The following GRM8 variants were observed in gnomAD, a reference collection of about 807,000 sequenced individuals.
The protein encoded by GRM8 is metabotropic glutamate receptor 8.
In GRM8, 47 loss-of-function variants were observed where a neutral mutation model predicts 87.2. The observed-to-expected ratio is 0.54, with a 90% CI of 0.43 to 0.69. The LOEUF is 0.69. GRM8 is among the 30% of genes least tolerant of loss of function. GRM8 has a pLI of 0.00. For synonymous variants in GRM8, 396 were observed against 404.5 expected, an observed-to-expected ratio of 0.98 and a Z score of 0.25; for missense variants, 1,019 against 1,139.2, an observed-to-expected ratio of 0.89 and a Z score of 1.52.
intron 6 of GRM8, among the ~76,000 whole-genome samples, chr7:126,876,183 G>A (rs1799511750): frequency 6.6e-6 from 1 of 152,102 alleles, no homozygotes; most frequent in East Asian, 1.9e-4. Context: ...GGCATTTACT[G>A]TCTCCTCTCC....
Position 126,532,032 on chromosome 7 carries a change from GT to G in GRM8, c.2430+919del, listed in dbSNP as rs1409404818. On this transcript the variant is annotated intron_variant, in intron 9 of 10. Coordinates refer to ENST00000339582, the MANE Select transcript of GRM8 (RefSeq NM_000845.3). ...TTACAGAAATACAGCATTCTCCTCT[GT>G]TTTTCAAGCTGGTTTATCTCCATCC... Among the ~76,000 whole-genome samples, 3 of 152,210 alleles carry G rather than the reference GT, an allele frequency of 2.0e-5. No individual in the cohort carries two copies. The East Asian group carries it at 5.8e-4, about 29-fold the overall frequency.
chr7:126,674,613 TAATGA>T (rs903565067), intron 7 of GRM8, among the ~76,000 whole-genome samples: 6 of 151,986 alleles, frequency 3.9e-5, no homozygotes, highest in Non-Finnish European at 8.8e-5. Context: ...AACTATAATT[TAATGA>T]AATAAGTATA....
At chr7:127,063,246 C>T (rs1014789292) in intron 3 of GRM8, among the ~76,000 whole-genome samples, 2 of 126,932 alleles carry the variant, frequency 1.6e-5, no homozygotes, top group African/African-American at 6.6e-5. Context: ...GAGTGAGACT[C>T]CATCAAAAAC....
chr7:127,014,939 G>C (rs987188391), intron 3 of GRM8, among the ~76,000 whole-genome samples: 2 of 132,056 alleles, frequency 1.5e-5, no homozygotes, highest in Non-Finnish European at 3.1e-5. Flanking sequence ...GAGAGAGAGA[G>C]AGAGAAAGAG....
At position 127,158,534 on chromosome 7, in the gene GRM8, T is replaced by C. The variant is rs754836624; in HGVS notation, c.511-51822A>G. 4.1e-4 allele frequency among the ~76,000 whole-genome samples: 63 copies of C among 152,196 alleles called. 2 individuals carry two copies. Among genetic ancestry groups the C allele is most frequent in the Non-Finnish European group, 8.8e-5 (6 of 68,036 alleles). ...TCTCACAGTTTCAAAGGCAGGGACG[T>C]CCAAGATCAAGGCACCAGTACATTC... is the stretch of plus-strand genomic sequence containing the variant. On this transcript the variant is annotated intron_variant, in intron 2 of 10. Coordinates refer to ENST00000339582, the MANE Select transcript of GRM8 (RefSeq NM_000845.3).
chr7:126,590,725 A>G (rs1341900379), intron 8 of GRM8, among the ~76,000 whole-genome samples: 1 of 152,118 alleles, frequency 6.6e-6, no homozygotes, highest in African/African-American at 2.4e-5. Flanking sequence ...TCTTCAGCCT[A>G]CTTAAACAAA....
intron 8 of GRM8, among the ~76,000 whole-genome samples, chr7:126,540,234 A>C (rs1400931229): frequency 6.6e-6 from 1 of 152,162 alleles, no homozygotes; most frequent in Non-Finnish European, 1.5e-5. Flanking sequence ...AGGGAAATCT[A>C]AATCAAAACC....
At chr7:127,164,481 CTG>C (rs1793314507) in intron 2 of GRM8, among the ~76,000 whole-genome samples, 1 of 152,124 alleles carries the variant, frequency 6.6e-6, no homozygotes, top group Admixed American at 6.5e-5. Flanking sequence ...CAATAATTCA[CTG>C]TAATTAGGAA....
chr7:126,828,857 C>A (rs1795076060), intron 6 of GRM8, among the ~76,000 whole-genome samples: 1 of 152,078 alleles, frequency 6.6e-6, no homozygotes. Flanking sequence ...AAATTTCCCT[C>A]TACACACTGC....
chr7:127,150,485 T>G (rs1380086625), intron 2 of GRM8, among the ~76,000 whole-genome samples: 1 of 152,068 alleles, frequency 6.6e-6, no homozygotes, highest in African/African-American at 2.4e-5. Flanking sequence ...ACTGGAAATT[T>G]AAATCAAAGC....
intron 6 of GRM8, among the ~76,000 whole-genome samples, chr7:126,777,388 G>A (rs1246607277): frequency 6.6e-6 from 1 of 152,054 alleles, no homozygotes; most frequent in South Asian, 2.1e-4. Flanking sequence ...CAAAGTAATG[G>A]CAGTAAACGG....
intron 3 of GRM8, among the ~76,000 whole-genome samples, chr7:127,065,939 C>A (rs1425273377): frequency 6.6e-6 from 1 of 152,210 alleles, no homozygotes; most frequent in Non-Finnish European, 1.5e-5. Context: ...AAAAACTGAT[C>A]TTCAGAAAAT....
rs371312549 is a variant in GRM8 at position 126,572,868 on chromosome 7, C to T, written c.1494+36494G>A. ...GACACAGAGGTACAGAAGTGACATC[C>T]TAAGGGGGTTGAATGAAGACCCACA... On this transcript the variant is annotated intron_variant, in intron 8 of 10. Coordinates refer to ENST00000339582, the MANE Select transcript of GRM8 (RefSeq NM_000845.3). Among the ~76,000 whole-genome samples the T allele has an allele frequency of 1.6e-4, 25 of 152,120 alleles. No individual in the cohort carries two copies. The South Asian group carries it at 4.8e-3, about 29-fold the overall frequency.
chr7:126,723,913 T>A (rs1812694888), intron 7 of GRM8, among the ~76,000 whole-genome samples: 1 of 152,120 alleles, frequency 6.6e-6, no homozygotes, highest in South Asian at 2.1e-4. Context: ...CAGAAACTGT[T>A]AATTTTAGTA....
chr7:127,146,095 T>A (rs1828539061), intron 2 of GRM8, among the ~76,000 whole-genome samples: 1 of 151,960 alleles, frequency 6.6e-6, no homozygotes, highest in Admixed American at 6.6e-5. Flanking sequence ...AGACAGCATG[T>A]CCAGGAGACA....
At chr7:126,978,449 A>T (rs1811221400) in intron 3 of GRM8, among the ~76,000 whole-genome samples, 1 of 152,190 alleles carries the variant, frequency 6.6e-6, no homozygotes, top group Non-Finnish European at 1.5e-5. Flanking sequence ...AGCATGCTCA[A>T]ATATCCTAAT....
At chr7:126,476,884 G>T (rs917619266) in intron 9 of GRM8, among the ~76,000 whole-genome samples, 2 of 152,032 alleles carry the variant, frequency 1.3e-5, no homozygotes, top group Non-Finnish European at 2.9e-5. Flanking sequence ...CTAGCACTTT[G>T]GGTATATATC....
intron 3 of GRM8, among the ~76,000 whole-genome samples, chr7:126,923,357 A>C (rs1443317826): frequency 6.6e-6 from 1 of 152,162 alleles, no homozygotes; most frequent in African/African-American, 2.4e-5. Context: ...TAACCTACTA[A>C]TCTGTCCCTA....
chr7:126,870,656 T>C (rs1398075687), intron 6 of GRM8: 2 of 152,106 alleles, frequency 1.3e-5, no homozygotes, highest in African/African-American at 2.4e-5. Flanking sequence ...ACACAAAATT[T>C]CTCAACCAGA....
Sources: allele counts gnomAD v4.1 joint callset (sites outside exome capture counted in the v4.1 genomes callset), GRCh38; gene constraint gnomAD v4.1.1; transcripts MANE v1.5; gene names NCBI Gene and HGNC (gene_info 2026-07-23, HGNC 2026-07-21).